Variants in ZNF496 observed in about 807,000 individuals in gnomAD.
The protein encoded by ZNF496 is NSD1 (nuclear receptor binding SET-domain containing 1)-interacting zinc finger protein 1.
A neutral mutation model predicts 58.9 loss-of-function variants in ZNF496; 11 were observed. The observed-to-expected ratio is 0.19, with a 90% CI of 0.12 to 0.31. The LOEUF is 0.31. Ranked by LOEUF, ZNF496 falls within the 10% of genes least tolerant of loss-of-function variation. The pLI, the probability that ZNF496 is intolerant of heterozygous loss-of-function variation, is 1.00. For missense variants in ZNF496, 660 were observed against 783.0 expected, an observed-to-expected ratio of 0.84 and a Z score of 1.88; for synonymous variants, 338 against 318.2, an observed-to-expected ratio of 1.06 and a Z score of -0.66.
chr1:247,300,514 G>A lies in ZNF496; in HGVS notation c.*5C>T, dbSNP rs200730880. ...CCAGGGTGAGGCCGCCCCAGGCGGA[G>A]AGGCTCAGTAGGAGTTCAGAGCCTG... On this transcript the variant is annotated 3_prime_UTR_variant, in exon 10 of 10. Coordinates refer to ENST00000682384, the MANE Select transcript of ZNF496 (RefSeq NM_032752.3). This position sits in a 1 kb window ranked among gnomAD's most constrained non-coding sequence, Gnocchi z 5.7. 2.5e-5 allele frequency: 40 copies of A among 1,596,832 alleles called. No individual in the cohort carries two copies. Among genetic ancestry groups the A allele is most frequent in the Non-Finnish European group, 3.3e-5 (39 of 1,168,516 alleles).
chr1:247,312,315 G>C (rs1659626653), intron 6 of ZNF496: 1 of 152,194 alleles, frequency 6.6e-6, no homozygotes, highest in African/African-American at 2.4e-5. Context: ...CTATAAGAAG[G>C]ATGGCCTTTC....
chr1:247,317,608 TG>T (rs1302396252), intron 6 of ZNF496, among the ~76,000 whole-genome samples: 2 of 151,528 alleles, frequency 1.3e-5, no homozygotes, highest in Non-Finnish European at 2.9e-5. Flanking sequence ...TGTAGGGAGC[TG>T]GAACTCCACT....
At chr1:247,320,023 T>C (rs1377028979) in intron 6 of ZNF496, among the ~76,000 whole-genome samples, 2 of 152,228 alleles carry the variant, frequency 1.3e-5, no homozygotes, top group African/African-American at 2.4e-5. Context: ...AAATATATTA[T>C]GCAATTATTA....
chr1:247,331,318 G>A (rs1401037479), intron 2 of ZNF496, 114 bp downstream of exon 2: 2 of 152,418 alleles, frequency 1.3e-5, no homozygotes, highest in South Asian at 2.1e-4. Context: ...GAGCTGGATC[G>A]GCAGAAAGGG....
At chr1:247,326,063 C>CACGCATATATATATATACACACACACAT in intron 5 of ZNF496, among the ~76,000 whole-genome samples, 1 of 145,608 alleles carries the variant, frequency 6.9e-6, no homozygotes, top group Non-Finnish European at 1.5e-5. Context: ...CACACACACA[C>CACGCATATATATATATACACACACACAT]ATATATACAC....
chr1:247,316,133 G>GGGGT (rs1252783223), intron 6 of ZNF496, among the ~76,000 whole-genome samples: 9 of 84,792 alleles, frequency 1.1e-4, no homozygotes, highest in African/African-American at 3.0e-4. Context: ...TCCTGGGAGA[G>GGGGT]GGGTGTGTGT....
In ZNF496 at chr1:247,309,664, T is replaced by A. The variant is rs779685237; in HGVS notation, c.892+35A>T. ...TCCGGCTGCCAGCAACCCTTCCCCCTACTCTGTCCACTCAGTTCTGGAATC... is the reference window on the plus strand; with the variant it reads ...TCCGGCTGCCAGCAACCCTTCCCCCAACTCTGTCCACTCAGTTCTGGAATC... On this transcript the variant is annotated intron_variant, in intron 8 of 9. Coordinates refer to ENST00000682384, the MANE Select transcript of ZNF496 (RefSeq NM_032752.3). This position sits in a 1 kb window ranked among gnomAD's most constrained non-coding sequence, Gnocchi z 4.3. 1 of 1,613,278 alleles carries A rather than the reference T, an allele frequency of 6.2e-7. No individual in the cohort carries two copies. The highest frequency in any genetic ancestry group is 1.7e-5 in the Admixed American group (1 of 59,894).
At chr1:247,312,380 T>C (rs771061370) in intron 6 of ZNF496, 6 of 152,320 alleles carry the variant, frequency 3.9e-5, no homozygotes, top group Non-Finnish European at 7.3e-5. Context: ...TAAGAATAGC[T>C]TTACTGTTCA....
Position 247,308,156 on chromosome 1 carries a change from A to G in ZNF496, c.1006+319T>C. 2.7e-6 allele frequency: 1 copy of G among 367,410 alleles called. No homozygotes were observed. The highest frequency in any genetic ancestry group is 3.8e-6 in the Non-Finnish European group (1 of 265,158). The allele number at this position is 367,410 out of a possible 1,614,324, so 22.8% of individuals were successfully genotyped here. ...GGGATTGGGAGTGAGCTGGAGAATG[A>G]CCCCAGCACAACGGAATCAGGGCAA... On this transcript the variant is annotated intron_variant, in intron 9 of 9. Transcript: ENST00000682384. This position sits in a 1 kb window ranked among gnomAD's most constrained non-coding sequence, Gnocchi z 4.5.
At chr1:247,311,700 C>T (rs969032766) in intron 6 of ZNF496, 1 of 75,890 alleles carries the variant, frequency 1.3e-5, no homozygotes, top group Non-Finnish European at 3.1e-5. Context: ...GGCAGCTTCA[C>T]TGGGCAGGAG....
At chr1:247,316,519 C>T (rs1172344714) in intron 6 of ZNF496, among the ~76,000 whole-genome samples, 1 of 152,116 alleles carries the variant, frequency 6.6e-6, no homozygotes, top group Non-Finnish European at 1.5e-5. Flanking sequence ...CACTCAGCCC[C>T]TCGCCATGTG....
At chr1:247,304,034 C>T (rs1254094307) in intron 9 of ZNF496, 1 of 438,262 alleles carries the variant, frequency 2.3e-6, no homozygotes, top group Non-Finnish European at 4.5e-6. Context: ...TATTATATAC[C>T]AGCAGAAACA....
In ZNF496 at chr1:247,299,945, T is replaced by G. The variant is rs1015674049; in HGVS notation, c.*574A>C. On this transcript the variant is annotated 3_prime_UTR_variant, in exon 10 of 10. Transcript: ENST00000682384. ...GATCTGCGGGGTGCTCCTGCCTACCTGATGGCCACGAATCTGGGGCTCAGA... is the reference window on the plus strand; with the variant it reads ...GATCTGCGGGGTGCTCCTGCCTACCGGATGGCCACGAATCTGGGGCTCAGA... 2 of 152,264 alleles carry G rather than the reference T, an allele frequency of 1.3e-5. No individual in the cohort carries two copies. Among genetic ancestry groups the G allele is most frequent in the Non-Finnish European group, 2.9e-5 (2 of 68,080 alleles). 9.4% of individuals were successfully genotyped at this position (152,264 alleles called of 1,614,324 possible).
chr1:247,322,879 T>C, intron 6 of ZNF496: 2 of 965,116 alleles, frequency 2.1e-6, no homozygotes, highest in Non-Finnish European at 3.0e-6. Flanking sequence ...GGCCCATCAA[T>C]GGGGACTCAT....
chr1:247,307,743 T>C, intron 9 of ZNF496: 1 of 985,416 alleles, frequency 1.0e-6, no homozygotes, highest in Non-Finnish European at 1.2e-6. Flanking sequence ...ATAATATGTG[T>C]GAGTTGGTCT....
At chr1:247,324,529 C>CT (rs35060178) in intron 5 of ZNF496, among the ~76,000 whole-genome samples, 79,504 of 147,782 alleles carry the variant, frequency 0.54, 21,760 homozygotes, top group Middle Eastern at 0.78. Context: ...ATTAGCTTGA[C>CT]TTTTTTTTTT....
chr1:247,326,861 A>G (rs541910885), intron 5 of ZNF496, among the ~76,000 whole-genome samples: 1 of 152,308 alleles, frequency 6.6e-6, no homozygotes, highest in African/African-American at 2.4e-5. Flanking sequence ...AAAGAGACCC[A>G]GAGAGAGAAG....
intron 2 of ZNF496, among the ~76,000 whole-genome samples, chr1:247,330,944 G>C (rs1357683418): frequency 4.6e-5 from 7 of 152,234 alleles, no homozygotes; most frequent in Admixed American, 4.6e-4. Context: ...ACCCATATGG[G>C]GGCCGTGGCG....
chr1:247,323,800 C>T (rs964728660), intron 5 of ZNF496, among the ~76,000 whole-genome samples: 1 of 151,070 alleles, frequency 6.6e-6, no homozygotes, highest in Non-Finnish European at 1.5e-5. Context: ...AAGAAAAAGC[C>T]GTAGAGTTGA....
Sources: allele counts gnomAD v4.1 joint callset (sites outside exome capture counted in the v4.1 genomes callset), GRCh38; gene constraint gnomAD v4.1.1; non-coding constraint Gnocchi (gnomAD v3.1); transcripts MANE v1.5; gene names NCBI Gene and HGNC (gene_info 2026-07-23, HGNC 2026-07-21).